Variants in ZSCAN10 observed in about 807,000 individuals in gnomAD.
The protein encoded by ZSCAN10 is zinc finger and SCAN domain-containing protein 10.
In ZSCAN10, 52 loss-of-function variants were observed where a neutral mutation model predicts 63.7. The observed-to-expected ratio is 0.82, with a 90% CI of 0.65 to 1.03. The LOEUF is 1.03. Ranked by LOEUF, ZSCAN10 falls within the 50% of genes least tolerant of loss-of-function variation. The probability of loss-of-function intolerance (pLI) is 0.00; values close to 1 mark genes in which losing one functional copy is unlikely to be tolerated. For synonymous variants in ZSCAN10, 544 were observed against 479.6 expected, an observed-to-expected ratio of 1.13 and a Z score of -1.76; for missense variants, 1,223 against 1,103.8, an observed-to-expected ratio of 1.11 and a Z score of -1.53.
rs1957065700 is a variant in ZSCAN10, at chr16:3,090,911, A to G, written c.788-265T>C. On this transcript the variant is annotated intron_variant, in intron 5 of 5. Coordinates refer to ENST00000576985, the MANE Select transcript of ZSCAN10 (RefSeq NM_032805.3). ...TCTACAAAAAAAAAAAAAAAAAACC[A>G]AAACAAAAATTAGCTGGGTGTAGTG... 4.0e-5 allele frequency among the ~76,000 whole-genome samples: 6 copies of G among 150,070 alleles called. No homozygotes were observed. The South Asian group carries it at 1.3e-3, about 31-fold the overall frequency.
At chr16:3,095,994 G>A (rs933146840) in intron 1 of ZSCAN10, among the ~76,000 whole-genome samples, 1 of 152,038 alleles carries the variant, frequency 6.6e-6, no homozygotes, top group Non-Finnish European at 1.5e-5. Flanking sequence ...GTGCCAGCCC[G>A]TCTCAAAAAA....
intron 2 of ZSCAN10, 36 bp from the exon 3 acceptor site, chr16:3,092,352 G>A (rs370986641): frequency 4.7e-5 from 73 of 1,562,666 alleles, no homozygotes; most frequent in Non-Finnish European, 6.0e-5. Flanking sequence ...TGACTCCCGG[G>A]GTGGCAACCT....
rs776913772 is a variant in ZSCAN10 at position 3,090,406 on chromosome 16, G to A, written c.1028C>T (p.Pro343Leu). 1.6e-5 allele frequency: 26 copies of A among 1,613,590 alleles called. No homozygotes were observed. In the East Asian group the frequency reaches 2.7e-4, roughly 17 times the overall value. ...GTCCGCGCAGATGAACTGCAACTCC[G>A]GATTGGGCTCGGGGACGCCCTCAGC... ...KVAEGVPEPNPELQFICADCG... is the reference protein window; with the variant it reads ...KVAEGVPEPNLELQFICADCG... The change falls in exon 6 of 6, where the codon CCG (proline) becomes CTG (leucine). Residue 343 changes from proline to leucine, a missense_variant. Physicochemically the swap from Pro to Leu is moderately conservative, Grantham distance 98. Transcript: ENST00000576985.
Position 3,089,158 on chromosome 16 carries a change from C to A in ZSCAN10, c.2276G>T (p.Arg759Leu). Reference protein sequence around the residue: ...ARPYSCTQCGRSFSRNSHLLR... With the variant: ...ARPYSCTQCGLSFSRNSHLLR... ...CAGGTGGGAGTTGCGGCTGAAGCTG[C>A]GGCCACACTGCGTGCAGGAGTAGGG... Residue 759 changes from arginine to leucine, a missense_variant, in exon 6 of 6, where the codon CGC (arginine) becomes CTC (leucine). By Grantham distance (102) the Arg-to-Leu change is moderately radical. Transcript: ENST00000576985. The A allele has an allele frequency of 6.5e-7, 1 of 1,535,408 alleles. No homozygotes were observed. Among genetic ancestry groups the A allele is most frequent in the Non-Finnish European group, 8.7e-7 (1 of 1,152,184 alleles).
At position 3,090,423 on chromosome 16, in the gene ZSCAN10, G is replaced by A. The variant is rs146483483; in HGVS notation, c.1011C>T (p.Gly337=). Residue 337 remains glycine, a synonymous_variant, in exon 6 of 6, where the codon GGC becomes GGT. Coordinates refer to ENST00000576985, the MANE Select transcript of ZSCAN10 (RefSeq NM_032805.3). The part of the protein sequence containing the change: ...SEILEVKVAE[G]VPEPNPELQF... ...GCAACTCCGGATTGGGCTCGGGGACGCCCTCAGCCACTTTGACCTCCAAAA... is the reference window on the plus strand; with the variant it reads ...GCAACTCCGGATTGGGCTCGGGGACACCCTCAGCCACTTTGACCTCCAAAA... The A allele has an allele frequency of 2.7e-5, 43 of 1,613,680 alleles. No individual in the cohort carries two copies. The highest frequency in any genetic ancestry group is 4.5e-5 in the East Asian group (2 of 44,886).
At chr16:3,093,697 T>TC in intron 1 of ZSCAN10, among the ~76,000 whole-genome samples, 1 of 148,278 alleles carries the variant, frequency 6.7e-6, no homozygotes, top group African/African-American at 2.6e-5. Context: ...CTTTTTTTTT[T>TC]TGAGATGGAG....
chr16:3,090,770 C>A, intron 5 of ZSCAN10, 124 bp from the exon 6 acceptor site: 1 of 1,196,148 alleles, frequency 8.4e-7, no homozygotes, highest in Non-Finnish European at 1.1e-6. Context: ...AGGTAAAAGG[C>A]CGGGCACAGT....
chr16:3,090,890 CAAAAA>C (rs398058044), intron 5 of ZSCAN10, among the ~76,000 whole-genome samples: 2 of 63,756 alleles, frequency 3.1e-5, no homozygotes, highest in South Asian at 1.1e-3. Context: ...CCCGTCTCTA[CAAAAA>C]AAAAAAAAAA....
At position 3,090,420 on chromosome 16, in the gene ZSCAN10, G is replaced by T. The variant is rs1475116602; in HGVS notation, c.1014C>A (p.Val338=). 1.2e-6 allele frequency: 2 copies of T among 1,613,838 alleles called. No homozygotes were observed. Among genetic ancestry groups the T allele is most frequent in the East Asian group, 4.5e-5 (2 of 44,868 alleles). ...ACTGCAACTCCGGATTGGGCTCGGG[G>T]ACGCCCTCAGCCACTTTGACCTCCA... is the stretch of plus-strand genomic sequence containing the variant. ...EILEVKVAEG[V]PEPNPELQFI... is the part of the protein sequence containing the mutation. The change falls in exon 6 of 6, where the codon GTC becomes GTA. Residue 338 remains valine, a synonymous_variant. Transcript: ENST00000576985.
rs1241254169 is a variant in ZSCAN10 at position 3,089,543 on chromosome 16, C to T, written c.1891G>A (p.Glu631Lys). Residue 631 changes from glutamate (E) to lysine (K), a missense_variant, in exon 6 of 6, where the codon GAG becomes AAG. Transcript: ENST00000576985. ...CACTCGCTGCAGCGGCAGGGCTTCT[C>T]GCCCGTGTGGCTGCGCTGGTGGCGG... ...LARHQRSHTG[E>K]KPCRCSECGE... 3 of 1,602,094 alleles carry T rather than the reference C, an allele frequency of 1.9e-6. No homozygotes were observed. Among genetic ancestry groups the T allele is most frequent in the South Asian group, 1.1e-5 (1 of 90,076 alleles).
rs759550397 is a variant in ZSCAN10 at position 3,092,143 on chromosome 16, C to A, written c.570G>T (p.Gln190His). Reference protein sequence around the residue: ...EPPRPQPRAAQPAEPGQWRLP... With the variant: ...EPPRPQPRAAHPAEPGQWRLP... ...GCCTCCACTGTCCCGGCTCAGCAGG[C>A]TGGGCAGCCCTTGGCTGGGGTCGGG... The change falls in exon 3 of 6, where the codon CAG (glutamine) becomes CAT (histidine). Residue 190 changes from glutamine to histidine, a missense_variant. Gln to His is a conservative substitution (Grantham distance 24). Transcript: ENST00000576985. 6.2e-7 allele frequency: 1 copy of A among 1,613,294 alleles called. No homozygotes were observed.
At position 3,089,567 on chromosome 16, in the gene ZSCAN10, G is replaced by A. The variant is rs573644055; in HGVS notation, c.1867C>T (p.Arg623Cys). The change falls in exon 6 of 6, where the codon CGC becomes TGC. Residue 623 changes from arginine (R) to cysteine (C), a missense_variant. Arg to Cys is a radical substitution (Grantham distance 180). Transcript: ENST00000576985. The stretch of plus-strand genomic sequence containing the variant: ...TCGCCCGTGTGGCTGCGCTGGTGGC[G>A]GGCCAGATCCTGGGTCTGGCCGAAA... ...KSFGQTQDLARHQRSHTGEKP... is the reference protein window; with the variant it reads ...KSFGQTQDLACHQRSHTGEKP... 1.4e-5 allele frequency: 22 copies of A among 1,591,892 alleles called. No individual in the cohort carries two copies. Among genetic ancestry groups the A allele is most frequent in the Non-Finnish European group, 1.9e-5 (22 of 1,170,046 alleles).
intron 4 of ZSCAN10, 76 bp downstream of exon 4, chr16:3,091,688 G>C: frequency 6.2e-7 from 1 of 1,608,328 alleles, no homozygotes. Flanking sequence ...AATCAGGGAA[G>C]GTATGGATTT....
At position 3,092,583 on chromosome 16, in the gene ZSCAN10, G is replaced by A; in HGVS notation, c.355C>T (p.Leu119Phe). Residue 119 changes from leucine (L) to phenylalanine (F), a missense_variant, in exon 2 of 6, where the codon CTC (leucine) becomes TTC (phenylalanine). Physicochemically the swap from Leu to Phe is conservative, Grantham distance 22 (BLOSUM62 0). Transcript: ENST00000576985. ...CTGGGCTCCCGGTGGATGCCCTCGAGCAGCAGCACCACCTCCTCCCCATCC... is the reference window on the plus strand; with the variant it reads ...CTGGGCTCCCGGTGGATGCCCTCGAACAGCAGCACCACCTCCTCCCCATCC... ...LRDGEEVVLL[L>F]EGIHREPSHA... is the part of the protein sequence containing the mutation. 1.3e-6 allele frequency: 2 copies of A among 1,581,094 alleles called. No homozygotes were observed. Among genetic ancestry groups the A allele is most frequent in the African/African-American group, 2.7e-5 (2 of 74,372 alleles).
At position 3,090,047 on chromosome 16, in the gene ZSCAN10, C is replaced by T. The variant is rs780118358; in HGVS notation, c.1387G>A (p.Ala463Thr). The T allele has an allele frequency of 1.3e-5, 21 of 1,600,920 alleles. No homozygotes were observed. Among genetic ancestry groups the T allele is most frequent in the South Asian group, 2.2e-5 (2 of 90,550 alleles). ...AHAQDQKPPC[A>T]PESKAEAPPL... The stretch of plus-strand genomic sequence containing the variant: ...GGCGCTTCGGCCTTACTCTCAGGAG[C>T]GCAGGGCGGCTTCTGGTCCTGGGCG... The change falls in exon 6 of 6, where the codon GCT becomes ACT. Residue 463 changes from alanine to threonine, a missense_variant. Coordinates refer to ENST00000576985, the MANE Select transcript of ZSCAN10 (RefSeq NM_032805.3).
chr16:3,097,974 T>C (rs938711476), intron 1 of ZSCAN10, among the ~76,000 whole-genome samples: 1 of 132,032 alleles, frequency 7.6e-6, no homozygotes, highest in Non-Finnish European at 1.5e-5. Context: ...ACCTGGGGGG[T>C]CAAAGCTGCA....
chr16:3,092,297 C>T lies in ZSCAN10; in HGVS notation c.416G>A (p.Gly139Asp), dbSNP rs769952713. 1 of 1,607,114 alleles carries T rather than the reference C, an allele frequency of 6.2e-7. No individual in the cohort carries two copies. The highest frequency in any genetic ancestry group is 8.5e-7 in the Non-Finnish European group (1 of 1,177,018). ...GACGTCTGCACGGGGACAACTCTTGCCAGCATTACAACTAAAATCCTGTTC... is the reference window on the plus strand; with the variant it reads ...GACGTCTGCACGGGGACAACTCTTGTCAGCATTACAACTAAAATCCTGTTC... ...AGPLDFSCNA[G>D]KSCPRADVTL... The change falls in exon 3 of 6, where the codon GGC becomes GAC. Residue 139 changes from glycine to aspartate, a missense_variant. Coordinates refer to ENST00000576985, the MANE Select transcript of ZSCAN10 (RefSeq NM_032805.3).
In ZSCAN10 at chr16:3,092,645, G is replaced by C; in HGVS notation, c.293C>G (p.Pro98Arg). 6.2e-7 allele frequency: 1 copy of C among 1,612,232 alleles called. No individual in the cohort carries two copies. The highest frequency in any genetic ancestry group is 8.5e-7 in the Non-Finnish European group (1 of 1,179,562). ...CCCCTGCAGGCGGCCCAGGAGGTGC[G>C]GAGGCAGCACACTCAGGAACTGCTC... ...VLEQFLSVLP[P>R]HLLGRLQGQP... Residue 98 changes from proline to arginine, a missense_variant, in exon 2 of 6, where the codon CCG (proline) becomes CGG (arginine). Pro to Arg is a moderately radical substitution (Grantham distance 103, BLOSUM62 -2). Transcript: ENST00000576985.
At position 3,090,595 on chromosome 16, in the gene ZSCAN10, T is replaced by C. The variant is rs759778794; in HGVS notation, c.839A>G (p.Lys280Arg). 18 of 1,562,750 alleles carry C rather than the reference T, an allele frequency of 1.2e-5. No homozygotes were observed. The highest frequency in any genetic ancestry group is 1.1e-4 in the African/African-American group (8 of 72,590). ...GATGGGAGTGGGCCAGGCAGCCCCT[T>C]TGGGCTCTTCTTGTTTAAATTCCTC... ...DKEEFKQEEPKGAAWPTPILA... is the reference protein window; with the variant it reads ...DKEEFKQEEPRGAAWPTPILA... Residue 280 changes from lysine to arginine, a missense_variant, in exon 6 of 6, where the codon AAA (lysine) becomes AGA (arginine). Lys to Arg is a conservative substitution (Grantham distance 26, BLOSUM62 2). Coordinates refer to ENST00000576985, the MANE Select transcript of ZSCAN10 (RefSeq NM_032805.3).
Sources: allele counts gnomAD v4.1 joint callset (sites outside exome capture counted in the v4.1 genomes callset), GRCh38; gene constraint gnomAD v4.1.1; transcripts MANE v1.5; gene names NCBI Gene and HGNC (gene_info 2026-07-23, HGNC 2026-07-21).